Variants in ANAPC5 observed in about 807,000 individuals in gnomAD.
ANAPC5 encodes the protein anaphase promoting complex subunit 5, also known as anaphase-promoting complex subunit 5.
In ANAPC5, 60 loss-of-function variants were observed where a neutral mutation model predicts 91.3. That is an observed-to-expected ratio of 0.66 (90% confidence interval 0.53 to 0.81). ANAPC5 has a LOEUF of 0.81. ANAPC5 is among the 40% of genes least tolerant of loss of function. The pLI, the probability that ANAPC5 is intolerant of heterozygous loss-of-function variation, is 0.00. For missense variants in ANAPC5, 690 were observed against 931.5 expected (o/e 0.74, Z 3.37); for synonymous variants, 340 against 364.1 (o/e 0.93, Z 0.75).
At position 121,345,921 on chromosome 12, in the gene ANAPC5, C is replaced by T. The variant is rs183687286; in HGVS notation, c.508G>A (p.Val170Met). ...QYFQNGEKKTVEDADMELTSR... is the reference protein window; with the variant it reads ...QYFQNGEKKTMEDADMELTSR... ...GTCAGTTCCATATCAGCATCCTCCACTGTCTTTTTCTCACCATTCTGGAAG... is the reference window on the plus strand; with the variant it reads ...GTCAGTTCCATATCAGCATCCTCCATTGTCTTTTTCTCACCATTCTGGAAG... The change falls in exon 4 of 17, where the codon GTG becomes ATG. Residue 170 changes from valine (V) to methionine (M), a missense_variant. Coordinates refer to ENST00000261819, the MANE Select transcript of ANAPC5 (RefSeq NM_016237.5). 106 of 1,614,176 alleles carry T rather than the reference C, an allele frequency of 6.6e-5. No individual in the cohort carries two copies. Among genetic ancestry groups the T allele is most frequent in the Middle Eastern group, 1.6e-4 (1 of 6,062 alleles).
chr12:121,345,148 C>T (rs1903612601), intron 4 of ANAPC5, among the ~76,000 whole-genome samples: 1 of 152,136 alleles, frequency 6.6e-6, no homozygotes, highest in South Asian at 2.1e-4. Context: ...TGCTGAGGGA[C>T]TGGGGTGAAG....
At position 121,341,969 on chromosome 12, in the gene ANAPC5, C is replaced by A. The variant is rs376467619; in HGVS notation, c.657+34G>T. 1.5e-5 allele frequency: 23 copies of A among 1,539,770 alleles called. 1 individual carries two copies. The highest frequency in any genetic ancestry group is 1.8e-5 in the Non-Finnish European group (20 of 1,119,326). ...GACTAGACACATCACAGGACTAGAA[C>A]AGAAGTTCATGATAAATTACAGAAT... On this transcript the variant is annotated intron_variant, in intron 5 of 16. Transcript: ENST00000261819.
intron 6 of ANAPC5, among the ~76,000 whole-genome samples, chr12:121,336,034 A>G (rs2136796739): frequency 6.6e-6 from 1 of 152,326 alleles, no homozygotes; most frequent in South Asian, 2.1e-4. Context: ...CCTAGTTCAA[A>G]TATTGAGGAA....
At chr12:121,351,801 G>T (rs886280408) in intron 1 of ANAPC5, among the ~76,000 whole-genome samples, 3 of 152,020 alleles carry the variant, frequency 2.0e-5, no homozygotes, top group Non-Finnish European at 2.9e-5. Context: ...CTCTAGGATA[G>T]GGAGCCTGTA....
At chr12:121,327,290 C>T in intron 10 of ANAPC5, 59 bp from the exon 11 acceptor site, 1 of 1,594,066 alleles carries the variant, frequency 6.3e-7, no homozygotes, top group African/African-American at 1.3e-5. Flanking sequence ...GCGCTTTGGC[C>T]ATGCCCGTCA....
intron 11 of ANAPC5, among the ~76,000 whole-genome samples, chr12:121,323,872 T>C (rs1418207641): frequency 6.6e-6 from 1 of 152,200 alleles, no homozygotes; most frequent in Non-Finnish European, 1.5e-5. Context: ...ATATAGATCC[T>C]GCAGTATCCC....
At chr12:121,318,186 C>T (rs963745901) in intron 15 of ANAPC5, 91 bp downstream of exon 15, 2 of 1,368,798 alleles carry the variant, frequency 1.5e-6, no homozygotes, top group Non-Finnish European at 1.9e-6. Context: ...CAAATGAAAA[C>T]TCATTATTAT....
Position 121,342,067 on chromosome 12 carries a change from T to C in ANAPC5, c.593A>G (p.Glu198Gly). ...EKEELDVSVREEEVSCSGPLS... is the reference protein window; with the variant it reads ...EKEELDVSVRGEEVSCSGPLS... ...AGGCCCACTGCAAGATACCTCCTCTTCTCTGGAAAAAATAAAAAAACAAAA... is the reference window on the plus strand; with the variant it reads ...AGGCCCACTGCAAGATACCTCCTCTCCTCTGGAAAAAATAAAAAAACAAAA... The change falls in exon 5 of 17, where the codon GAA becomes GGA. Residue 198 changes from glutamate to glycine, a missense_variant and splice_region_variant. Glu to Gly is a moderately conservative substitution (Grantham distance 98). Transcript: ENST00000261819. The surrounding 1 kb of genome is among the most constrained non-coding windows in gnomAD (Gnocchi z 4.1). 6.3e-7 allele frequency: 1 copy of C among 1,595,180 alleles called. No individual in the cohort carries two copies. Among genetic ancestry groups the C allele is most frequent in the Non-Finnish European group, 8.5e-7 (1 of 1,175,454 alleles).
intron 11 of ANAPC5, among the ~76,000 whole-genome samples, chr12:121,324,168 T>A (rs1328406292): frequency 1.3e-5 from 2 of 151,882 alleles, no homozygotes; most frequent in Non-Finnish European, 2.9e-5. Context: ...AAGAAAAGAG[T>A]AACTGGAGAC....
At position 121,313,097 on chromosome 12, in the gene ANAPC5, G is replaced by A. The variant is rs565841511; in HGVS notation, c.1894-3234C>T. ...TCCCAGCACTTTGGGAGGCCAAGGC[G>A]GATGAATCACCTGAGGTCAGGCGTT... On this transcript the variant is annotated intron_variant, in intron 15 of 16. Coordinates refer to ENST00000261819, the MANE Select transcript of ANAPC5 (RefSeq NM_016237.5). Among the ~76,000 whole-genome samples the A allele has an allele frequency of 3.9e-5, 6 of 152,296 alleles. No homozygotes were observed. In the East Asian group the frequency reaches 9.7e-4, roughly 25 times the overall value.
Position 121,317,692 on chromosome 12 carries a change from C to T in ANAPC5, c.1893+585G>A, listed in dbSNP as rs78983215. ...GGTACGAAGATATTTTTTAAATCTCCGCAATAATTCTAATGTACAGCCAGT... is the reference window on the plus strand; with the variant it reads ...GGTACGAAGATATTTTTTAAATCTCTGCAATAATTCTAATGTACAGCCAGT... On this transcript the variant is annotated intron_variant, in intron 15 of 16. Coordinates refer to ENST00000261819, the MANE Select transcript of ANAPC5 (RefSeq NM_016237.5). 1.8e-3 allele frequency among the ~76,000 whole-genome samples: 268 copies of T among 152,312 alleles called. 1 individual carries two copies. The highest frequency in any genetic ancestry group is 6.0e-3 in the African/African-American group (251 of 41,584).
At chr12:121,312,944 T>C (rs570254797) in intron 15 of ANAPC5, among the ~76,000 whole-genome samples, 1 of 152,204 alleles carries the variant, frequency 6.6e-6, no homozygotes, top group Non-Finnish European at 1.5e-5. Context: ...TTATGAAATA[T>C]AGTTCTCAAG....
chr12:121,320,257 G>A (rs1427521361), intron 12 of ANAPC5, 128 bp downstream of exon 12: 17 of 788,434 alleles, frequency 2.2e-5, no homozygotes, highest in Non-Finnish European at 3.4e-5. Flanking sequence ...ATACTTGTAA[G>A]CATCCTTTGA....
chr12:121,350,299 A>G (rs2668262), intron 1 of ANAPC5, among the ~76,000 whole-genome samples: 122,143 of 152,190 alleles, frequency 0.8, 51,569 homozygotes, highest in Non-Finnish European at 0.94. Context: ...CCCATAATAT[A>G]GAGGCCCAGG....
chr12:121,319,114 A>ACACACAC (rs1566181958), intron 13 of ANAPC5, among the ~76,000 whole-genome samples: 55 of 114,642 alleles, frequency 4.8e-4, no homozygotes, highest in African/African-American at 2.5e-3. Context: ...TGTATACACA[A>ACACACAC]ACACACACAC....
rs1555274154 is a variant in ANAPC5 at position 121,342,054 on chromosome 12, A to G, written c.606T>C (p.Ser202=). 1 of 1,609,244 alleles carries G rather than the reference A, an allele frequency of 6.2e-7. No homozygotes were observed. Among genetic ancestry groups the G allele is most frequent in the Admixed American group, 1.7e-5 (1 of 59,482 alleles). The change falls in exon 5 of 17, where the codon TCT becomes TCC. Residue 202 remains serine (S), a synonymous_variant. Coordinates refer to ENST00000261819, the MANE Select transcript of ANAPC5 (RefSeq NM_016237.5). The surrounding 1 kb of genome is among the most constrained non-coding windows in gnomAD (Gnocchi z 4.1). ...LDVSVREEEV[S]CSGPLSQKQA... is the part of the protein sequence containing the mutation. The stretch of plus-strand genomic sequence containing the variant: ...GTTTTTGGGACAGAGGCCCACTGCA[A>G]GATACCTCCTCTTCTCTGGAAAAAA...
chr12:121,329,398 C>T (rs782498524), intron 9 of ANAPC5, among the ~76,000 whole-genome samples: 2 of 152,112 alleles, frequency 1.3e-5, no homozygotes, highest in Non-Finnish European at 2.9e-5. Flanking sequence ...ACGATCCACC[C>T]GCCTTGGCCT....
Position 121,345,822 on chromosome 12 carries a change from CAG to C in ANAPC5, c.590+15_590+16del. On this transcript the variant is annotated intron_variant, in intron 4 of 16. Coordinates refer to ENST00000261819, the MANE Select transcript of ANAPC5 (RefSeq NM_016237.5). ...TATTTCACAGGAAAAGGATCCCTGT[CAG>C]AAAAGCCAAATTACCTTACAGATAC... 1 of 1,606,626 alleles carries C rather than the reference CAG, an allele frequency of 6.2e-7. No homozygotes were observed. The highest frequency in any genetic ancestry group is 8.5e-7 in the Non-Finnish European group (1 of 1,177,126).
In ANAPC5 at chr12:121,342,990, A is replaced by G. The variant is rs759088894; in HGVS notation, c.591-921T>C. Among the ~76,000 whole-genome samples, 1 of 152,240 alleles carries G rather than the reference A, an allele frequency of 6.6e-6. No individual in the cohort carries two copies. The highest frequency in any genetic ancestry group is 1.9e-4 in the East Asian group (1 of 5,204). ...AATTTCTTTTAGACAAAGAATTATAATCATTAGTTAGATTTAAATATAAAG... is the reference window on the plus strand; with the variant it reads ...AATTTCTTTTAGACAAAGAATTATAGTCATTAGTTAGATTTAAATATAAAG... On this transcript the variant is annotated intron_variant, in intron 4 of 16. Transcript: ENST00000261819. This position sits in a 1 kb window ranked among gnomAD's most constrained non-coding sequence, Gnocchi z 4.1.
Sources: gnomAD v4.1 joint callset for allele counts (sites outside exome capture counted in the v4.1 genomes callset) on GRCh38, gnomAD v4.1.1 for gene constraint, Gnocchi (gnomAD v3.1) non-coding constraint, MANE v1.5 for transcripts, NCBI Gene and HGNC (gene_info 2026-07-23, HGNC 2026-07-21) for gene names.